The following ARL15 variants were observed in gnomAD, a reference collection of about 807,000 sequenced individuals.
The protein encoded by ARL15 is ARF like GTPase 15, also known as ADP-ribosylation factor-like protein 15.
ARL15 carries 19 observed loss-of-function variants against 25.2 expected under a neutral mutation model. That is an observed-to-expected ratio of 0.75 (90% confidence interval 0.53 to 1.10). ARL15 has a LOEUF of 1.10. Ranked by LOEUF, ARL15 falls within the 50% of genes least tolerant of loss-of-function variation. The pLI, the probability that ARL15 is intolerant of heterozygous loss-of-function variation, is 0.00. For synonymous variants in ARL15, 94 were observed against 86.8 expected (o/e 1.08, Z -0.46); for missense variants, 220 against 246.0 (o/e 0.89, Z 0.71).
chr5:54,034,064 T>G (rs1750093319), intron 4 of ARL15, among the ~76,000 whole-genome samples: 1 of 152,158 alleles, frequency 6.6e-6, no homozygotes, highest in African/African-American at 2.4e-5. Flanking sequence ...CCGCTTGCCT[T>G]GGCCTCCCAA....
At chr5:54,020,870 G>A (rs965978206) in intron 4 of ARL15, among the ~76,000 whole-genome samples, 3 of 151,758 alleles carry the variant, frequency 2.0e-5, no homozygotes, top group South Asian at 2.1e-4. Context: ...CAGGAGAATC[G>A]CTTGAATCCA....
intron 4 of ARL15, among the ~76,000 whole-genome samples, chr5:54,058,100 G>A (rs1052710965): frequency 7.9e-5 from 12 of 151,726 alleles, no homozygotes; most frequent in African/African-American, 2.9e-4. Context: ...CCGCCTCCGA[G>A]GTTCAAGTGA....
intron 1 of ARL15, among the ~76,000 whole-genome samples, chr5:54,186,335 G>C (rs1335891368): frequency 6.6e-6 from 1 of 152,196 alleles, no homozygotes; most frequent in African/African-American, 2.4e-5. Context: ...GTCTGTTATT[G>C]GTGATGAGAG....
intron 3 of ARL15, among the ~76,000 whole-genome samples, chr5:54,136,083 A>G (rs1463343223): frequency 6.6e-6 from 1 of 152,200 alleles, no homozygotes; most frequent in Admixed American, 6.5e-5. Flanking sequence ...GGTAAACTGT[A>G]AAAGTATATA....
intron 2 of ARL15, among the ~76,000 whole-genome samples, chr5:54,155,626 A>T (rs1754204677): frequency 6.6e-6 from 1 of 152,076 alleles, no homozygotes; most frequent in Admixed American, 6.6e-5. Flanking sequence ...CTTAACTATT[A>T]CCATTCAAGA....
At chr5:54,224,009 C>A (rs1756448629) in intron 1 of ARL15, among the ~76,000 whole-genome samples, 1 of 152,156 alleles carries the variant, frequency 6.6e-6, no homozygotes. Context: ...TTCAGGGCAT[C>A]ATCCACAAAC....
chr5:53,899,802 C>T (rs1745004067), intron 4 of ARL15, among the ~76,000 whole-genome samples: 1 of 152,070 alleles, frequency 6.6e-6, no homozygotes, highest in Admixed American at 6.6e-5. Context: ...TGACATATTC[C>T]AAGTTACGAC....
chr5:54,165,132 G>A (rs1480517137), intron 2 of ARL15, among the ~76,000 whole-genome samples: 1 of 151,936 alleles, frequency 6.6e-6, no homozygotes, highest in Non-Finnish European at 1.5e-5. Flanking sequence ...TTCCAATAGT[G>A]TACTTCCCTT....
chr5:54,031,902 G>A (rs1750005300), intron 4 of ARL15, among the ~76,000 whole-genome samples: 1 of 152,136 alleles, frequency 6.6e-6, no homozygotes, highest in Non-Finnish European at 1.5e-5. Context: ...GAAAAAGGAT[G>A]TTTGGAAATT....
intron 4 of ARL15, among the ~76,000 whole-genome samples, chr5:53,963,562 C>A (rs774526832): frequency 6.6e-6 from 1 of 152,156 alleles, no homozygotes; most frequent in Non-Finnish European, 1.5e-5. Context: ...AATTCCAACA[C>A]TTTGGGAGGC....
At chr5:54,104,190 C>T (rs62370402) in intron 4 of ARL15, among the ~76,000 whole-genome samples, 1,861 of 152,264 alleles carry the variant, frequency 0.012, 52 homozygotes, top group Admixed American at 0.064. Flanking sequence ...AATAGCTTTG[C>T]AATCACTCTA....
At chr5:54,211,395 A>G (rs1756036662) in intron 1 of ARL15, among the ~76,000 whole-genome samples, 1 of 151,860 alleles carries the variant, frequency 6.6e-6, no homozygotes. Flanking sequence ...TTAGAAAATA[A>G]TTCCTTGGGC....
At chr5:54,005,249 G>C (rs1199156397) in intron 4 of ARL15, among the ~76,000 whole-genome samples, 12 of 143,756 alleles carry the variant, frequency 8.3e-5, no homozygotes, top group Non-Finnish European at 4.6e-5. Context: ...CAGAAGACAA[G>C]ACACCCCCAC....
chr5:54,122,426 T>C (rs1753108031), intron 3 of ARL15, among the ~76,000 whole-genome samples: 1 of 152,254 alleles, frequency 6.6e-6, no homozygotes, highest in Non-Finnish European at 1.5e-5. Context: ...CATGTGCACG[T>C]GCATGCGTGC....
At chr5:53,995,597 A>G (rs924219570) in intron 4 of ARL15, among the ~76,000 whole-genome samples, 1 of 152,206 alleles carries the variant, frequency 6.6e-6, no homozygotes, top group African/African-American at 2.4e-5. Context: ...TAGATTACTC[A>G]TCTTCAAGAG....
chr5:54,159,592 T>C (rs1677482674), intron 2 of ARL15, among the ~76,000 whole-genome samples: 1 of 152,182 alleles, frequency 6.6e-6, no homozygotes, highest in African/African-American at 2.4e-5. Context: ...TGGCCTGTAG[T>C]ATTTGGCTGA....
At position 54,087,378 on chromosome 5, in the gene ARL15, G is replaced by A. The variant is rs552138737; in HGVS notation, c.462+25824C>T. 1.8e-4 allele frequency among the ~76,000 whole-genome samples: 28 copies of A among 151,982 alleles called. No homozygotes were observed. The South Asian group carries it at 4.8e-3, about 26-fold the overall frequency. ...CATATAACCTATACATGGTACTGCC[G>A]AGATCTTGGGCTGCAGCTCCTGGTT... On this transcript the variant is annotated intron_variant, in intron 4 of 4. Transcript: ENST00000504924.
intron 4 of ARL15, among the ~76,000 whole-genome samples, chr5:53,957,325 G>A (rs980862486): frequency 1.3e-5 from 2 of 152,020 alleles, no homozygotes; most frequent in African/African-American, 4.8e-5. Context: ...AGTGCTGAAA[G>A]AATAAAAAAT....
At position 54,004,961 on chromosome 5, in the gene ARL15, T is replaced by C. The variant is rs1279204239; in HGVS notation, c.462+108241A>G. Among the ~76,000 whole-genome samples, 3 of 152,202 alleles carry C rather than the reference T, an allele frequency of 2.0e-5. No homozygotes were observed. In the East Asian group the frequency reaches 5.8e-4, roughly 29 times the overall value. On this transcript the variant is annotated intron_variant, in intron 4 of 4. Coordinates refer to ENST00000504924, the MANE Select transcript of ARL15 (RefSeq NM_019087.3). Reference sequence around the variant, plus strand: ...CAATCCTGCAAAACAAGTGTTCTCTTTCTAGTTTTTAAATTCTAATGTGTG... The same window carrying C: ...CAATCCTGCAAAACAAGTGTTCTCTCTCTAGTTTTTAAATTCTAATGTGTG...
Sources: allele counts gnomAD v4.1 joint callset (sites outside exome capture counted in the v4.1 genomes callset), GRCh38; gene constraint gnomAD v4.1.1; transcripts MANE v1.5; gene names NCBI Gene and HGNC (gene_info 2026-07-23, HGNC 2026-07-21).